Variants in GRIK5 observed in about 807,000 individuals in gnomAD.
The protein encoded by GRIK5 is glutamate ionotropic receptor kainate type subunit 5, also known as glutamate receptor ionotropic, kainate 5.
GRIK5 carries 43 observed loss-of-function variants against 97.4 expected under a neutral mutation model. The ratio of observed to expected loss-of-function variants is 0.44; its 90% confidence interval spans 0.35 to 0.57. The LOEUF (loss-of-function observed/expected upper bound fraction) is 0.57, where lower values mean the gene tolerates loss of function less well. GRIK5 is among the 20% of genes least tolerant of loss of function. GRIK5 has a pLI of 0.01. For missense variants in GRIK5, 1,015 were observed against 1,382.0 expected (o/e 0.73, Z 4.21); for synonymous variants, 580 against 583.5 (o/e 0.99, Z 0.09).
Position 42,065,458 on chromosome 19 carries a change from C to G in GRIK5, c.80-71G>C, listed in dbSNP as rs994986420. ...AAGGAGGGGGCTGTGGTCTTAGACT[C>G]CAGGGCTCTAGGGTGAGGTGGGTAT... On this transcript the variant is annotated intron_variant, in intron 2 of 19. Coordinates refer to ENST00000593562, the MANE Select transcript of GRIK5 (RefSeq NM_002088.5). The surrounding 1 kb of genome is among the most constrained non-coding windows in gnomAD (Gnocchi z 5.8). The G allele has an allele frequency of 4.1e-6, 6 of 1,467,076 alleles. No homozygotes were observed. The East Asian group carries it at 1.1e-4, about 28-fold the overall frequency. The allele number at this position is 1,467,076 out of a possible 1,614,324, so 90.9% of individuals were successfully genotyped here.
Position 42,042,909 on chromosome 19 carries a change from G to A in GRIK5, c.1270-154C>T. 1.6e-6 allele frequency: 1 copy of A among 640,252 alleles called. No homozygotes were observed. The highest frequency in any genetic ancestry group is 2.8e-5 in the Admixed American group (1 of 36,358). 39.7% of individuals were successfully genotyped at this position (640,252 alleles called of 1,614,324 possible). A position where few individuals can be genotyped will look rare whatever the true frequency, so the allele number is the denominator to read the frequency against. On this transcript the variant is annotated intron_variant, in intron 11 of 19. Coordinates refer to ENST00000593562, the MANE Select transcript of GRIK5 (RefSeq NM_002088.5). The surrounding 1 kb of genome is among the most constrained non-coding windows in gnomAD (Gnocchi z 6.9). ...CACATTTCTCACTTACAAATGCTCA[G>A]AGTGGGGAATAGACCTGAAAGCCAG...
intron 12 of GRIK5, among the ~76,000 whole-genome samples, chr19:42,030,781 T>TCCAGACTGGACCCTG (rs1016204817): frequency 3.9e-5 from 6 of 152,210 alleles, no homozygotes; most frequent in African/African-American, 1.2e-4. Flanking sequence ...CTGTTTTGTA[T>TCCAGACTGGACCCTG]CCAGACTGGA....
Position 42,002,381 on chromosome 19 carries a change from A to C in GRIK5, c.2514+951T>G. The C allele has an allele frequency of 1.4e-6, 1 of 717,588 alleles. No individual in the cohort carries two copies. Among genetic ancestry groups the C allele is most frequent in the Non-Finnish European group, 2.6e-6 (1 of 385,090 alleles). The allele number at this position is 717,588 out of a possible 1,614,324, so 44.5% of individuals were successfully genotyped here. ...GCCTGAATCCAATAAAGAGAGGACAACTGATGCTGCAGGAGGAAAGGACAG... is the reference window on the plus strand; with the variant it reads ...GCCTGAATCCAATAAAGAGAGGACACCTGATGCTGCAGGAGGAAAGGACAG... On this transcript the variant is annotated intron_variant, in intron 19 of 19. Coordinates refer to ENST00000593562, the MANE Select transcript of GRIK5 (RefSeq NM_002088.5). This position sits in a 1 kb window ranked among gnomAD's most constrained non-coding sequence, Gnocchi z 5.2.
Position 41,999,205 on chromosome 19 carries a change from G to C in GRIK5, c.2609C>G (p.Pro870Arg), listed in dbSNP as rs1555870350. ...GCGCAGTGACAGCAGGGCCCGGCTC[G>C]GGCCGCCCGGGCGTCGGCGCCGGCG... ...RSRRRRRPGG[P>R]SRALLSLRAV... The change falls in exon 20 of 20, where the codon CCG becomes CGG. Residue 870 changes from proline (P) to arginine (R), a missense_variant. Around this residue, in one of 5 missense-constraint regions of GRIK5, gnomAD observed 229 missense variants for 341.0 expected, o/e 0.67. Transcript: ENST00000593562. This position sits in a 1 kb window ranked among gnomAD's most constrained non-coding sequence, Gnocchi z 5.0. 7 of 1,517,076 alleles carry C rather than the reference G, an allele frequency of 4.6e-6. 1 individual carries two copies. Among genetic ancestry groups the C allele is most frequent in the East Asian group, 2.6e-5 (1 of 38,240 alleles). 94.0% of individuals were successfully genotyped at this position (1,517,076 alleles called of 1,614,324 possible).
intron 5 of GRIK5, among the ~76,000 whole-genome samples, chr19:42,059,890 TC>T (rs778294693): frequency 1.3e-5 from 2 of 151,964 alleles, no homozygotes; most frequent in Non-Finnish European, 2.9e-5. Context: ...AACTCTGGCT[TC>T]CTCTCTTTCA....
intron 11 of GRIK5, among the ~76,000 whole-genome samples, chr19:42,049,293 C>T (rs1375259128): frequency 6.6e-6 from 1 of 152,086 alleles, no homozygotes; most frequent in Non-Finnish European, 1.5e-5. Context: ...CACCCTGGGA[C>T]CCAGCAACTA....
At chr19:42,008,191 T>C (rs1167838823) in intron 15 of GRIK5, among the ~76,000 whole-genome samples, 1 of 152,108 alleles carries the variant, frequency 6.6e-6, no homozygotes, top group African/African-American at 2.4e-5. Flanking sequence ...CTAATGTTTG[T>C]ATTTTTAGTA....
chr19:42,049,186 G>A (rs1349886403), intron 11 of GRIK5, among the ~76,000 whole-genome samples: 2 of 152,174 alleles, frequency 1.3e-5, no homozygotes, highest in African/African-American at 4.8e-5. Context: ...AGTAGCAAGT[G>A]GAATTTTCAT....
intron 12 of GRIK5, among the ~76,000 whole-genome samples, chr19:42,031,372 C>A (rs193202427): frequency 1.3e-5 from 2 of 152,188 alleles, no homozygotes; most frequent in Non-Finnish European, 2.9e-5. Flanking sequence ...GGAGCTTCCA[C>A]GTGGCTCTTT....
At chr19:42,034,040 C>T (rs973425357) in intron 12 of GRIK5, among the ~76,000 whole-genome samples, 10 of 151,924 alleles carry the variant, frequency 6.6e-5, no homozygotes, top group African/African-American at 2.4e-4. Flanking sequence ...TTGCTTAAAA[C>T]CTTCCAGTGG....
At position 41,999,213 on chromosome 19, in the gene GRIK5, C is replaced by G. The variant is rs1803267054; in HGVS notation, c.2601G>C (p.Pro867=). The G allele has an allele frequency of 1.3e-6, 2 of 1,518,802 alleles. No individual in the cohort carries two copies. Among genetic ancestry groups the G allele is most frequent in the Admixed American group, 4.0e-5 (2 of 49,486 alleles). The allele number at this position is 1,518,802 out of a possible 1,614,324, so 94.1% of individuals were successfully genotyped here. The change falls in exon 20 of 20, where the codon CCG becomes CCC. Residue 867 remains proline (P), a synonymous_variant. Transcript: ENST00000593562. The surrounding 1 kb of genome is among the most constrained non-coding windows in gnomAD (Gnocchi z 5.0). ...ACAGCAGGGCCCGGCTCGGGCCGCC[C>G]GGGCGTCGGCGCCGGCGGGAACGCG... The part of the protein sequence containing the change: ...KTSRSRRRRR[P]GGPSRALLSL...
intron 3 of GRIK5, among the ~76,000 whole-genome samples, chr19:42,064,425 C>T (rs1250905111): frequency 6.6e-6 from 1 of 152,122 alleles, no homozygotes; most frequent in African/African-American, 2.4e-5. Flanking sequence ...CCCCATACCC[C>T]CCCATTTCTT....
At chr19:42,066,379 T>G (rs951918021) in intron 1 of GRIK5, among the ~76,000 whole-genome samples, 2 of 148,942 alleles carry the variant, frequency 1.3e-5, no homozygotes, top group African/African-American at 5.0e-5. Flanking sequence ...ATCTGGGAGT[T>G]AGGAAACTTC....
At position 42,062,857 on chromosome 19, in the gene GRIK5, T is replaced by G; in HGVS notation, c.245-2A>C. The G allele has an allele frequency of 6.2e-7, 1 of 1,610,846 alleles. No homozygotes were observed. Among genetic ancestry groups the G allele is most frequent in the Non-Finnish European group, 8.5e-7 (1 of 1,177,126 alleles). ...CCCCTTTGGGTAAGATCTGACACAC[T>G]GCGTGGGAAGGGGAAGAGACCGCAG... On this transcript the variant is annotated splice_acceptor_variant, in intron 3 of 19. Transcript: ENST00000593562. LOFTEE classifies it high-confidence loss of function. The surrounding 1 kb of genome is among the most constrained non-coding windows in gnomAD (Gnocchi z 5.3).
intron 15 of GRIK5, among the ~76,000 whole-genome samples, chr19:42,019,199 C>T (rs993915790): frequency 1.3e-5 from 2 of 152,094 alleles, no homozygotes; most frequent in Admixed American, 6.6e-5. Flanking sequence ...CCTGTGAGGA[C>T]GCCACTAGAT....
chr19:42,031,335 C>T (rs1401543989), intron 12 of GRIK5, among the ~76,000 whole-genome samples: 2 of 152,226 alleles, frequency 1.3e-5, no homozygotes, highest in African/African-American at 2.4e-5. Flanking sequence ...TTTTGAATTA[C>T]TATTCTGGGA....
At chr19:42,057,354 T>C (rs2076200201) in intron 6 of GRIK5, among the ~76,000 whole-genome samples, 1 of 151,096 alleles carries the variant, frequency 6.6e-6, no homozygotes, top group African/African-American at 2.4e-5. Context: ...GCCTCAGAAA[T>C]AGGGCAGGAA....
intron 11 of GRIK5, among the ~76,000 whole-genome samples, chr19:42,049,283 C>T (rs2076082510): frequency 6.6e-6 from 1 of 152,162 alleles, no homozygotes; most frequent in Non-Finnish European, 1.5e-5. Context: ...CTAGGACAAA[C>T]ACCCTGGGAC....
rs755779665 is a variant in GRIK5 at position 42,062,552 on chromosome 19, C to T, written c.444G>A (p.Ala148=). ...TGAAGGACTTGAGGATTCGGGAGAC[C>T]GCCAAGCTGACGTCCTCGTTACTGG... The part of the protein sequence containing the change: ...LYPSNEDVSL[A]VSRILKSFNY... Residue 148 remains alanine (A), a synonymous_variant, in exon 5 of 20, where the codon GCG becomes GCA. Coordinates refer to ENST00000593562, the MANE Select transcript of GRIK5 (RefSeq NM_002088.5). This position sits in a 1 kb window ranked among gnomAD's most constrained non-coding sequence, Gnocchi z 5.3. 13 of 1,614,024 alleles carry T rather than the reference C, an allele frequency of 8.1e-6. No individual in the cohort carries two copies. Among genetic ancestry groups the T allele is most frequent in the Admixed American group, 6.7e-5 (4 of 60,006 alleles).
Sources: allele counts gnomAD v4.1 joint callset (sites outside exome capture counted in the v4.1 genomes callset), GRCh38; gene constraint gnomAD v4.1.1; regional missense constraint gnomAD v4.1.1; non-coding constraint Gnocchi (gnomAD v3.1); transcripts MANE v1.5; gene names NCBI Gene and HGNC (gene_info 2026-07-23, HGNC 2026-07-21).